The following CAPN9 variants were observed in gnomAD, a reference collection of about 807,000 sequenced individuals.
CAPN9 encodes calpain-9.
A neutral mutation model predicts 92.8 loss-of-function variants in CAPN9; 81 were observed. The ratio of observed to expected loss-of-function variants is 0.87; its 90% confidence interval spans 0.73 to 1.05. CAPN9 has a LOEUF of 1.05. CAPN9 is among the 50% of genes least tolerant of loss of function. The probability of loss-of-function intolerance (pLI) is 0.00; values close to 1 mark genes in which losing one functional copy is unlikely to be tolerated. For missense variants in CAPN9, 848 were observed against 866.2 expected, an observed-to-expected ratio of 0.98 and a Z score of 0.26; for synonymous variants, 304 against 328.0, an observed-to-expected ratio of 0.93 and a Z score of 0.79.
chr1:230,786,491 G>A (rs1368241330), intron 12 of CAPN9, among the ~76,000 whole-genome samples: 1 of 152,218 alleles, frequency 6.6e-6, no homozygotes, highest in Non-Finnish European at 1.5e-5. Flanking sequence ...TAACAAAAGT[G>A]AAGCCAGTCT....
At chr1:230,767,087 G>C (rs1666031373) in intron 4 of CAPN9, among the ~76,000 whole-genome samples, 1 of 152,150 alleles carries the variant, frequency 6.6e-6, no homozygotes, top group East Asian at 1.9e-4. Context: ...CAGAGAAGAA[G>C]GGAAAGGGCC....
intron 13 of CAPN9, among the ~76,000 whole-genome samples, chr1:230,788,151 C>T (rs1397370232): frequency 6.6e-6 from 1 of 152,194 alleles, no homozygotes; most frequent in African/African-American, 2.4e-5. Flanking sequence ...CCACGCCTGG[C>T]CCCAGGTGCT....
chr1:230,790,278 G>C, intron 14 of CAPN9, 89 bp downstream of exon 14: 1 of 1,531,200 alleles, frequency 6.5e-7, no homozygotes, highest in Non-Finnish European at 8.8e-7. Context: ...CCTCCGAGCC[G>C]CAGATCTGCT....
intron 4 of CAPN9, among the ~76,000 whole-genome samples, chr1:230,765,717 A>G (rs1572032818): frequency 6.6e-6 from 1 of 152,332 alleles, no homozygotes; most frequent in Non-Finnish European, 1.5e-5. Context: ...GAAAATAAAT[A>G]TCAATGGGTT....
Position 230,792,431 on chromosome 1 carries a change from C to A in CAPN9, c.1728C>A (p.Ser576Arg). The change falls in exon 16 of 20, where the codon AGC becomes AGA. Residue 576 changes from serine to arginine, a missense_variant. Ser to Arg is a moderately radical substitution (Grantham distance 110). Transcript: ENST00000271971. Reference sequence around the variant, plus strand: ...CCTTAACCCACATGGCACAGACCAGCGGCAATGGGAAGCTGGAGTTTGATG... The same window carrying A: ...CCTTAACCCACATGGCACAGACCAGAGGCAATGGGAAGCTGGAGTTTGATG... ...CKNIISLMDT[S>R]GNGKLEFDEF... is the part of the protein sequence containing the mutation. 6.2e-7 allele frequency: 1 copy of A among 1,613,748 alleles called. No individual in the cohort carries two copies. Among genetic ancestry groups the A allele is most frequent in the Non-Finnish European group, 8.5e-7 (1 of 1,179,690 alleles).
intron 7 of CAPN9, among the ~76,000 whole-genome samples, chr1:230,773,859 G>A (rs1253976877): frequency 2.0e-5 from 3 of 152,204 alleles, no homozygotes; most frequent in Non-Finnish European, 4.4e-5. Flanking sequence ...CAACAGTGGT[G>A]ACCTACTTTG....
At chr1:230,779,740 C>A (rs1417901775) in intron 9 of CAPN9, among the ~76,000 whole-genome samples, 1 of 152,140 alleles carries the variant, frequency 6.6e-6, no homozygotes, top group Non-Finnish European at 1.5e-5. Context: ...ACAGACCAAT[C>A]AGAATTCATG....
At chr1:230,759,664 C>T (rs1665504662) in intron 3 of CAPN9, 34 bp downstream of exon 3, 2 of 1,421,394 alleles carry the variant, frequency 1.4e-6, no homozygotes, top group Non-Finnish European at 9.7e-7. Context: ...GGGTTTACCT[C>T]TCTGGGGCCC....
At chr1:230,791,659 C>G (rs974097771) in intron 14 of CAPN9, among the ~76,000 whole-genome samples, 2 of 152,102 alleles carry the variant, frequency 1.3e-5, no homozygotes, top group Admixed American at 6.5e-5. Context: ...AGGCGTATTC[C>G]CACTTTTATT....
intron 4 of CAPN9, among the ~76,000 whole-genome samples, chr1:230,763,401 A>G (rs1665768781): frequency 6.6e-6 from 1 of 151,872 alleles, no homozygotes; most frequent in East Asian, 1.9e-4. Flanking sequence ...ATAACTTCCT[A>G]TTCCTCCCTT....
At chr1:230,779,591 C>T (rs900269554) in intron 9 of CAPN9, among the ~76,000 whole-genome samples, 4 of 152,110 alleles carry the variant, frequency 2.6e-5, no homozygotes, top group Admixed American at 1.3e-4. Flanking sequence ...CTCATTCACA[C>T]GAACAGCAAG....
At chr1:230,784,543 G>T (rs763897372) in intron 11 of CAPN9, among the ~76,000 whole-genome samples, 1 of 152,256 alleles carries the variant, frequency 6.6e-6, no homozygotes, top group East Asian at 1.9e-4. Flanking sequence ...ACCAGATACA[G>T]TTTGGGCTAC....
rs561032500 is a variant in CAPN9, at chr1:230,753,160, G to C, written c.214-2177G>C. ...TCACTCCCTTTCCAGCCACCACGGAGATCAGAGTCATTTAATGAAATGGCG... is the reference window on the plus strand; with the variant it reads ...TCACTCCCTTTCCAGCCACCACGGACATCAGAGTCATTTAATGAAATGGCG... On this transcript the variant is annotated intron_variant, in intron 1 of 19. Coordinates refer to ENST00000271971, the MANE Select transcript of CAPN9 (RefSeq NM_006615.3). 3.9e-5 allele frequency among the ~76,000 whole-genome samples: 6 copies of C among 152,282 alleles called. No homozygotes were observed. The East Asian group carries it at 1.2e-3, about 29-fold the overall frequency.
chr1:230,755,498 G>A, intron 2 of CAPN9, 92 bp downstream of exon 2: 1 of 965,666 alleles, frequency 1.0e-6, no homozygotes, highest in Non-Finnish European at 1.6e-6. Flanking sequence ...GGACCCAAGA[G>A]GCACGGGGCT....
chr1:230,790,328 T>G (rs766656527), intron 14 of CAPN9, 139 bp downstream of exon 14: 70 of 1,374,492 alleles, frequency 5.1e-5, no homozygotes, highest in Non-Finnish European at 6.3e-5. Flanking sequence ...AAAATAGCTT[T>G]CATTGTTTGT....
intron 12 of CAPN9, 152 bp from the exon 13 acceptor site, chr1:230,787,370 T>A: frequency 1.6e-6 from 1 of 613,566 alleles, no homozygotes; most frequent in East Asian, 2.8e-5. Flanking sequence ...CATGAGAAAA[T>A]GTTCCTCACG....
intron 8 of CAPN9, 111 bp downstream of exon 8, chr1:230,774,742 T>A (rs1666630660): frequency 2.9e-5 from 8 of 278,224 alleles, no homozygotes; most frequent in Non-Finnish European, 4.3e-5. Context: ...TTTCTTTCTT[T>A]TTTTTTTTTT....
chr1:230,794,544 A>G (rs1668214218), intron 17 of CAPN9, among the ~76,000 whole-genome samples: 1 of 152,224 alleles, frequency 6.6e-6, no homozygotes, highest in Admixed American at 6.5e-5. Flanking sequence ...TCCTCATTTG[A>G]CAATGAGGAA....
chr1:230,792,081 C>A (rs560780208), intron 15 of CAPN9, among the ~76,000 whole-genome samples, 153 bp downstream of exon 15: 2 of 152,228 alleles, frequency 1.3e-5, no homozygotes, highest in South Asian at 2.1e-4. Flanking sequence ...GCTGGGGGAC[C>A]CCCATGCTGA....
Sources: gnomAD v4.1 joint callset for allele counts (sites outside exome capture counted in the v4.1 genomes callset) on GRCh38, gnomAD v4.1.1 for gene constraint, MANE v1.5 for transcripts, NCBI Gene and HGNC (gene_info 2026-07-23, HGNC 2026-07-21) for gene names.